Variants in TASOR2 observed in about 807,000 individuals in gnomAD.
TASOR2 encodes transcription activation suppressor family member 2, also known as protein TASOR 2.
In TASOR2, 84 loss-of-function variants were observed where a neutral mutation model predicts 199.5. The ratio of observed to expected loss-of-function variants is 0.42; its 90% CI spans 0.35 to 0.50. The LOEUF is 0.50. Among genes scored for constraint, TASOR2 ranks in the 20% least tolerant of loss-of-function variants. TASOR2 has a pLI of 0.02. For missense variants in TASOR2, 2,796 were observed against 2,835.9 expected (o/e 0.99, Z 0.32); for synonymous variants, 1,103 against 1,046.6 (o/e 1.05, Z -1.04).
At chr10:5,763,613 TTGAAA>T (rs1840204353) in exon 21 of TASOR2, 2 of 152,192 alleles carry the variant, frequency 1.3e-5, no homozygotes, top group Non-Finnish European at 2.9e-5. Flanking sequence ...ATTTATGATA[TTGAAA>T]ATTTCTACAG....
intron 3 of TASOR2, 41 bp downstream of exon 4, chr10:5,717,791 TTTAAGG>T (rs1255728941): frequency 1.3e-5 from 10 of 780,964 alleles, no homozygotes; most frequent in South Asian, 6.6e-5. Context: ...CCTTTTAAAG[TTTAAGG>T]TTATCTACCT....
chr10:5,714,051 A>G (rs1244993562), intron 2 of TASOR2, 84 bp from the exon 3 acceptor site: 1 of 633,842 alleles, frequency 1.6e-6, no homozygotes, highest in Non-Finnish European at 2.1e-6. Context: ...ATAATAAAAA[A>G]TAAAATTAAA....
intron 18 of TASOR2, chr10:5,760,999 G>A (rs565672409): frequency 4.6e-5 from 12 of 260,070 alleles, no homozygotes; most frequent in African/African-American, 1.6e-4. Context: ...AATATACAAC[G>A]CAATAAGGCC....
At position 5,752,579 on chromosome 10, in the gene TASOR2, CTGAG is replaced by C. The variant is rs751670046; in HGVS notation, c.6606+2554_6606+2557del. On this transcript the variant is annotated intron_variant, in intron 15 of 20. Coordinates refer to ENST00000328090, the Ensembl canonical transcript of TASOR2. The surrounding 1 kb of genome is among the most constrained non-coding windows in gnomAD (Gnocchi z 4.4). Reference sequence around the variant, plus strand: ...TGGCGAGTCCATGGGGGCTGGATTACTGAGTAACGAGTTACTTAGTAATGAAGGA... The same window carrying C: ...TGGCGAGTCCATGGGGGCTGGATTACTAACGAGTTACTTAGTAATGAAGGA... Among the ~76,000 whole-genome samples the C allele has an allele frequency of 5.9e-5, 9 of 152,216 alleles. No individual in the cohort carries two copies. The highest frequency in any genetic ancestry group is 1.3e-4 in the Non-Finnish European group (9 of 68,032).
intron 14 of TASOR2, among the ~76,000 whole-genome samples, chr10:5,744,494 G>C (rs1365262370): frequency 2.0e-5 from 3 of 151,952 alleles, no homozygotes; most frequent in South Asian, 2.1e-4. Flanking sequence ...GTAGAGACAG[G>C]GTTTCACCAT....
chr10:5,718,538 A>G (rs1175767273), intron 3 of TASOR2, among the ~76,000 whole-genome samples: 1 of 151,976 alleles, frequency 6.6e-6, no homozygotes, highest in African/African-American at 2.4e-5. Context: ...ACCTGAGGTC[A>G]GGAGTTTGAG....
exon 21 of TASOR2, chr10:5,763,349 A>G (rs978888187): frequency 1.9e-5 from 5 of 266,984 alleles, no homozygotes; most frequent in Admixed American, 1.6e-4. Context: ...AAATAAGTCT[A>G]TTTTAACAAA....
chr10:5,724,632 T>TATAG (rs372677711), intron 8 of TASOR2, 99 bp downstream of exon 9: 4,042 of 178,882 alleles, frequency 0.023, 56 homozygotes, highest in South Asian at 0.035. Flanking sequence ...TATATATATA[T>TATAG]ATAGATAGAT....
rs1320440624 is a variant in TASOR2 at position 5,698,036 on chromosome 10, C to T, written c.-288+12861C>T. On this transcript the variant is annotated intron_variant, in intron 1 of 20. Coordinates refer to ENST00000328090, the Ensembl canonical transcript of TASOR2. This position sits in a 1 kb window ranked among gnomAD's most constrained non-coding sequence, Gnocchi z 4.4. ...CACCACTACCAATTGCATTATTGAC[C>T]CTAGTGCTTTACTTTTCCTTATGTT... Among the ~76,000 whole-genome samples, 2 of 152,072 alleles carry T rather than the reference C, an allele frequency of 1.3e-5. No homozygotes were observed. The highest frequency in any genetic ancestry group is 2.4e-5 in the African/African-American group (1 of 41,398).
rs1457510103 is a variant in TASOR2 at position 5,754,134 on chromosome 10, G to A, written c.6607-2479G>A. On this transcript the variant is annotated intron_variant, in intron 15 of 20. Coordinates refer to ENST00000328090, the Ensembl canonical transcript of TASOR2. This position sits in a 1 kb window ranked among gnomAD's most constrained non-coding sequence, Gnocchi z 4.3. ...AGCCTAGCCAATATAGTGAAACCCC[G>A]TCTCTACTAAAAATAAAAAAATTAG... is the stretch of plus-strand genomic sequence containing the variant. Among the ~76,000 whole-genome samples the A allele has an allele frequency of 1.3e-5, 2 of 151,984 alleles. No individual in the cohort carries two copies. Among genetic ancestry groups the A allele is most frequent in the African/African-American group, 4.8e-5 (2 of 41,382 alleles).
Position 5,762,524 on chromosome 10 carries a change from T to TTC in TASOR2, c.7175-7_7175-6insCT, listed in dbSNP as rs1554784602. 1.0e-5 allele frequency: 7 copies of TTC among 689,222 alleles called. No homozygotes were observed. The African/African-American group carries it at 1.3e-4, about 13-fold the overall frequency. 42.7% of individuals were successfully genotyped at this position (689,222 alleles called of 1,614,324 possible). On this transcript the variant is annotated splice_region_variant and splice_polypyrimidine_tract_variant and intron_variant, in intron 19 of 20. Coordinates refer to ENST00000328090, the Ensembl canonical transcript of TASOR2. ...TAACCAAAAGTTGTTTTTTTTTTTT[T>TTC]TTAACAGACAAGCCTACTATCCCCA...
intron 9 of TASOR2, 42 bp from the exon 11 acceptor site, chr10:5,727,019 C>T: frequency 6.2e-7 from 1 of 1,613,426 alleles, no homozygotes; most frequent in Non-Finnish European, 8.5e-7. Context: ...TTTATAAGAT[C>T]AACAACCTAA....
chr10:5,761,037 A>G (rs984750545), intron 18 of TASOR2: 29 of 349,850 alleles, frequency 8.3e-5, no homozygotes, highest in Non-Finnish European at 1.3e-4. Flanking sequence ...AGGCTTGCCA[A>G]GCCACATGGC....
exon 17 of TASOR2, chr10:5,757,575 A>G (rs375297013): frequency 6.2e-7 from 1 of 1,612,870 alleles, no homozygotes; most frequent in Non-Finnish European, 8.5e-7. Flanking sequence ...GCTGGAGTAG[A>G]CAGCCCTGGA....
intron 13 of TASOR2, among the ~76,000 whole-genome samples, chr10:5,741,786 G>A (rs1836459961): frequency 6.6e-6 from 1 of 152,196 alleles, no homozygotes; most frequent in Non-Finnish European, 1.5e-5. Context: ...TGTGTCCAGA[G>A]TGAATTTGTA....
chr10:5,742,761 G>A lies in TASOR2; in HGVS notation c.2757+235G>A, dbSNP rs1262156502. ...AAAACCAGAGTAGAAAAATGTCACA[G>A]GGTCCACATGATCTGGGAGCCCAGC... On this transcript the variant is annotated intron_variant, in intron 14 of 20. Coordinates refer to ENST00000328090, the Ensembl canonical transcript of TASOR2. The surrounding 1 kb of genome is among the most constrained non-coding windows in gnomAD (Gnocchi z 4.2). 1.3e-5 allele frequency among the ~76,000 whole-genome samples: 2 copies of A among 152,094 alleles called. No homozygotes were observed. The highest frequency in any genetic ancestry group is 2.9e-5 in the Non-Finnish European group (2 of 68,032).
intron 10 of TASOR2, among the ~76,000 whole-genome samples, chr10:5,729,905 G>A (rs1365539285): frequency 6.6e-6 from 1 of 152,108 alleles, no homozygotes; most frequent in Non-Finnish European, 1.5e-5. Flanking sequence ...GAGAGGAGGT[G>A]AAACATAGAC....
At chr10:5,761,393 A>T in exon 19 of TASOR2, 1 of 1,614,036 alleles carries the variant, frequency 6.2e-7, no homozygotes, top group Non-Finnish European at 8.5e-7. Flanking sequence ...TCGATCATCA[A>T]CAAAAGCAGA....
At chr10:5,712,841 C>A (rs1182663271) in exon 2 of TASOR2, 108 of 1,227,714 alleles carry the variant, frequency 8.8e-5, no homozygotes, top group Non-Finnish European at 1.1e-4. Context: ...TTTTTACCAA[C>A]AAAAAAAAGC....
Sources: allele counts gnomAD v4.1 joint callset (sites outside exome capture counted in the v4.1 genomes callset), GRCh38; gene constraint gnomAD v4.1.1; non-coding constraint Gnocchi (gnomAD v3.1); transcripts MANE v1.5; gene names NCBI Gene and HGNC (gene_info 2026-07-23, HGNC 2026-07-21).